The following MBOAT1 variants were observed in gnomAD, a reference collection of about 807,000 sequenced individuals.
MBOAT1 encodes the protein membrane bound glycerophospholipid O-acyltransferase 1, also known as membrane-bound glycerophospholipid O-acyltransferase 1.
Under a neutral mutation model 64.4 loss-of-function variants are expected in MBOAT1, and 67 were observed. The observed-to-expected ratio is 1.04, with a 90% CI of 0.85 to 1.27. MBOAT1 has a LOEUF of 1.27. MBOAT1 is among the 50% of genes most tolerant of loss of function. The pLI is 0.00. For missense variants in MBOAT1, 563 were observed against 604.6 expected (o/e 0.93, Z 0.72); for synonymous variants, 229 against 218.9 (o/e 1.05, Z -0.41).
chr6:20,123,914 T>C (rs1261879269), intron 8 of MBOAT1, among the ~76,000 whole-genome samples: 1 of 151,934 alleles, frequency 6.6e-6, no homozygotes, highest in Non-Finnish European at 1.5e-5. Context: ...AAAAATTAGC[T>C]GGGTGTGGTG....
intron 1 of MBOAT1, among the ~76,000 whole-genome samples, chr6:20,185,803 T>C (rs1762635142): frequency 6.6e-6 from 1 of 152,204 alleles, no homozygotes; most frequent in South Asian, 2.1e-4. Context: ...TTACCTCCAC[T>C]TAACAGATGA....
chr6:20,113,099 G>A (rs1760220439), intron 10 of MBOAT1, 91 bp from the exon 11 acceptor site: 2 of 1,470,338 alleles, frequency 1.4e-6, no homozygotes, highest in East Asian at 2.3e-5. Flanking sequence ...CATGCAGAAA[G>A]CATTTGGTTG....
intron 1 of MBOAT1, among the ~76,000 whole-genome samples, chr6:20,184,504 T>C (rs552231): frequency 0.6 from 91,396 of 151,920 alleles, 28,554 homozygotes; most frequent in Admixed American, 0.71. Context: ...GCCAAGGTTC[T>C]GACTACACCT....
At chr6:20,156,126 C>T (rs1040005040) in intron 1 of MBOAT1, among the ~76,000 whole-genome samples, 1 of 151,962 alleles carries the variant, frequency 6.6e-6, no homozygotes, top group Non-Finnish European at 1.5e-5. Context: ...AAAAAATTAG[C>T]CGGGCGTGGT....
At chr6:20,197,548 G>A (rs1242728516) in intron 1 of MBOAT1, among the ~76,000 whole-genome samples, 1 of 152,150 alleles carries the variant, frequency 6.6e-6, no homozygotes, top group Admixed American at 6.5e-5. Flanking sequence ...CCCCTCACAT[G>A]TAAATTGTGT....
At chr6:20,123,651 TA>T (rs1760557955) in intron 8 of MBOAT1, among the ~76,000 whole-genome samples, 5 of 150,498 alleles carry the variant, frequency 3.3e-5, no homozygotes, top group Admixed American at 3.3e-4. Flanking sequence ...TTCTAAGACA[TA>T]AAAACCTAAC....
chr6:20,204,600 G>C (rs1459504236), intron 1 of MBOAT1, among the ~76,000 whole-genome samples: 1 of 152,214 alleles, frequency 6.6e-6, no homozygotes, highest in Non-Finnish European at 1.5e-5. Flanking sequence ...AAGACGAGGA[G>C]AGGATTTTAG....
intron 1 of MBOAT1, among the ~76,000 whole-genome samples, chr6:20,192,925 C>T (rs1762842955): frequency 6.6e-6 from 1 of 150,684 alleles, no homozygotes; most frequent in Non-Finnish European, 1.5e-5. Context: ...CAGGAGGAAA[C>T]CCAAACATCA....
intron 1 of MBOAT1, among the ~76,000 whole-genome samples, chr6:20,161,242 C>T (rs541573730): frequency 7.9e-5 from 12 of 151,956 alleles, no homozygotes; most frequent in African/African-American, 2.4e-4. Flanking sequence ...GAATGCCTTA[C>T]GATCTGTCAC....
intron 1 of MBOAT1, among the ~76,000 whole-genome samples, chr6:20,204,739 T>A (rs1487459725): frequency 3.9e-5 from 6 of 151,944 alleles, no homozygotes; most frequent in African/African-American, 1.2e-4. Context: ...AAGTAAAGAG[T>A]TCACTGTGCT....
In MBOAT1 at chr6:20,111,870, A is replaced by ATATATATATACATATATATACG. The variant is rs1491359464; in HGVS notation, c.1209+1005_1209+1006insCGTATATATATGTATATATATA. On this transcript the variant is annotated intron_variant, in intron 11 of 12. Coordinates refer to ENST00000324607, the MANE Select transcript of MBOAT1 (RefSeq NM_001080480.3). ...TACATATATATATACATATATATAC[A>ATATATATATACATATATATACG]TATATATATGTATATATATATATTC... 2.6e-3 allele frequency among the ~76,000 whole-genome samples: 303 copies of ATATATATATACATATATATACG among 117,064 alleles called. 33 individuals are homozygous for ATATATATATACATATATATACG. The highest frequency in any genetic ancestry group is 0.011 in the African/African-American group (258 of 24,538). The allele number at this position is 117,064 out of a possible 152,430, so 76.8% of individuals were successfully genotyped here.
chr6:20,206,540 T>G (rs1249053820), intron 1 of MBOAT1, among the ~76,000 whole-genome samples: 2 of 151,990 alleles, frequency 1.3e-5, no homozygotes, highest in Non-Finnish European at 2.9e-5. Context: ...TCCCCCACAC[T>G]CCTAATATTA....
At chr6:20,194,958 CT>C (rs112261364) in intron 1 of MBOAT1, among the ~76,000 whole-genome samples, 23,846 of 146,214 alleles carry the variant, frequency 0.16, 2,821 homozygotes, top group African/African-American at 0.33. Flanking sequence ...ATAATCTAGA[CT>C]TTTTTTTTTT....
rs1581389016 is a variant in MBOAT1 at position 20,102,226 on chromosome 6, C to T, written c.*60G>A. 6.3e-7 allele frequency: 1 copy of T among 1,574,936 alleles called. No homozygotes were observed. The highest frequency in any genetic ancestry group is 2.3e-5 in the East Asian group (1 of 43,378). ...AAGCCACCGGAGGAGCCCTTGAAGC[C>T]TTGTCATCTCATCTTTCGAACGTTC... On this transcript the variant is annotated 3_prime_UTR_variant, in exon 13 of 13. Transcript: ENST00000324607.
chr6:20,189,201 CA>C (rs1762736308), intron 1 of MBOAT1, among the ~76,000 whole-genome samples: 1 of 152,166 alleles, frequency 6.6e-6, no homozygotes. Context: ...TGATCATTTC[CA>C]TCTACCTGGC....
rs368991515 is a variant in MBOAT1, at chr6:20,182,858, G to A, written c.99+29278C>T. Among the ~76,000 whole-genome samples, 3 of 152,262 alleles carry A rather than the reference G, an allele frequency of 2.0e-5. No individual in the cohort carries two copies. In the South Asian group the frequency reaches 6.2e-4, roughly 32 times the overall value. The stretch of plus-strand genomic sequence containing the variant: ...TGGCTGACACCTGTGTGTGTTTTCC[G>A]ATTGATTGTCAACTCATAGGAGGGG... On this transcript the variant is annotated intron_variant, in intron 1 of 12. Transcript: ENST00000324607.
chr6:20,197,930 T>C (rs1292096781), intron 1 of MBOAT1, among the ~76,000 whole-genome samples: 2 of 152,142 alleles, frequency 1.3e-5, no homozygotes, highest in African/African-American at 4.8e-5. Flanking sequence ...AAAGTTTATT[T>C]TTAAAAAAGC....
chr6:20,168,564 A>C (rs1445870624), intron 1 of MBOAT1, among the ~76,000 whole-genome samples: 1 of 130,702 alleles, frequency 7.7e-6, no homozygotes, highest in Non-Finnish European at 1.6e-5. Flanking sequence ...AGAGAAAGAG[A>C]AAGAGAGAGA....
intron 4 of MBOAT1, among the ~76,000 whole-genome samples, chr6:20,142,490 C>G (rs1459565133): frequency 6.6e-6 from 1 of 152,156 alleles, no homozygotes; most frequent in African/African-American, 2.4e-5. Flanking sequence ...CGCTCTGCCA[C>G]CCAGGCTGGA....
Sources: gnomAD v4.1 joint callset for allele counts (sites outside exome capture counted in the v4.1 genomes callset) on GRCh38, gnomAD v4.1.1 for gene constraint, MANE v1.5 for transcripts, NCBI Gene and HGNC (gene_info 2026-07-23, HGNC 2026-07-21) for gene names.